Variants in RNF212 observed in about 807,000 individuals in gnomAD.
RNF212 encodes ring finger protein 212.
In RNF212, 33 loss-of-function variants were observed where a neutral mutation model predicts 34.7. The ratio of observed to expected loss-of-function variants is 0.95; its 90% CI spans 0.72 to 1.27. The LOEUF (loss-of-function observed/expected upper bound fraction) is 1.27. RNF212 is among the 50% of genes most tolerant of loss of function. The pLI, the probability that RNF212 is intolerant of heterozygous loss-of-function variation, is 0.00. For missense variants in RNF212, 377 were observed against 362.2 expected (o/e 1.04, Z -0.33); for synonymous variants, 140 against 136.1 (o/e 1.03, Z -0.20).
In RNF212 at chr4:1,072,900, G is replaced by C; in HGVS notation, c.868C>G (p.Gln290Glu). 1 of 1,611,500 alleles carries C rather than the reference G, an allele frequency of 6.2e-7. No individual in the cohort carries two copies. The highest frequency in any genetic ancestry group is 1.3e-5 in the African/African-American group (1 of 74,968). ...PAVSVVFPLC[Q>E]FERKKSF ...CAAAATGACTTTTTCCTTTCAAATT[G>C]GCAAAGAGGAAACACAACAGACACA... The change falls in exon 10 of 10, where the codon CAA (glutamine) becomes GAA (glutamate). Residue 290 changes from glutamine to glutamate, a missense_variant. By Grantham distance (29) the Gln-to-Glu change is conservative. Transcript: ENST00000433731.
At chr4:1,093,897 G>A in intron 3 of RNF212, 2 of 1,536,262 alleles carry the variant, frequency 1.3e-6, no homozygotes, top group Non-Finnish European at 1.7e-6. Context: ...CTGACCCAGT[G>A]TTCTTGGGGA....
At chr4:1,060,831 G>T (rs4690215) in intron 3 of RNF212, among the ~76,000 whole-genome samples, 1 of 152,130 alleles carries the variant, frequency 6.6e-6, no homozygotes, top group Non-Finnish European at 1.5e-5. Context: ...GAGTCTGCAG[G>T]GCAGACAACG....
At chr4:1,103,124 T>C (rs1449572148) in intron 2 of RNF212, among the ~76,000 whole-genome samples, 8 of 152,216 alleles carry the variant, frequency 5.3e-5, no homozygotes, top group Non-Finnish European at 1.0e-4. Flanking sequence ...AGCATATTGA[T>C]GACAAGAAAT....
intron 3 of RNF212, among the ~76,000 whole-genome samples, chr4:1,066,402 T>C (rs910470498): frequency 6.6e-6 from 1 of 152,158 alleles, no homozygotes; most frequent in Non-Finnish European, 1.5e-5. Flanking sequence ...AATCTCGACT[T>C]ACTGCAACCT....
chr4:1,065,741 C>T (rs1289684674), intron 3 of RNF212, among the ~76,000 whole-genome samples: 2 of 144,896 alleles, frequency 1.4e-5, no homozygotes, highest in Non-Finnish European at 3.2e-5. Flanking sequence ...TGTGTGCCAC[C>T]ACACCTGGCT....
intron 1 of RNF212, among the ~76,000 whole-genome samples, chr4:1,112,781 C>A (rs1304084485): frequency 8.5e-6 from 1 of 117,116 alleles, no homozygotes; most frequent in African/African-American, 3.3e-5. Context: ...CCTCCCCTGG[C>A]GTCTCCCCTC....
intron 8 of RNF212, among the ~76,000 whole-genome samples, chr4:1,073,951 A>G (rs950851668): frequency 1.3e-5 from 2 of 151,452 alleles, no homozygotes; most frequent in African/African-American, 2.4e-5. Flanking sequence ...ATTTTAGGTG[A>G]AAAAAAACAA....
At chr4:1,062,897 T>C (rs1465403954) in intron 3 of RNF212, among the ~76,000 whole-genome samples, 1 of 152,216 alleles carries the variant, frequency 6.6e-6, no homozygotes, top group African/African-American at 2.4e-5. Flanking sequence ...ATCAGTTGTA[T>C]TTCTACATAC....
chr4:1,059,214 CAG>C (rs1166513399), intron 3 of RNF212, among the ~76,000 whole-genome samples: 1 of 152,190 alleles, frequency 6.6e-6, no homozygotes, highest in East Asian at 1.9e-4. Flanking sequence ...GTGCCCCCGA[CAG>C]GGGTCTTGTC....
At chr4:1,076,736 T>C (rs772345473) in intron 8 of RNF212, among the ~76,000 whole-genome samples, 32 of 152,186 alleles carry the variant, frequency 2.1e-4, no homozygotes, top group Non-Finnish European at 3.1e-4. Flanking sequence ...TTTAGACACT[T>C]TCCTTGAAAT....
chr4:1,106,714 G>A (rs776103045), intron 2 of RNF212, among the ~76,000 whole-genome samples: 33 of 152,346 alleles, frequency 2.2e-4, no homozygotes, highest in Non-Finnish European at 3.8e-4. Context: ...CAGCCCGACC[G>A]TGTACAGGGC....
At chr4:1,113,623 C>T (rs929134255), upstream of RNF212, 4 of 518,082 alleles carry the variant, frequency 7.7e-6, no homozygotes, top group Non-Finnish European at 1.3e-5. Flanking sequence ...GCCCTCCCGC[C>T]AACCTCGCGG....
chr4:1,076,819 G>T (rs1211807863), intron 8 of RNF212, among the ~76,000 whole-genome samples: 9 of 152,198 alleles, frequency 5.9e-5, no homozygotes, highest in Admixed American at 2.6e-4. Context: ...AGTTTTATTA[G>T]AACACAGTCA....
intron 2 of RNF212, among the ~76,000 whole-genome samples, chr4:1,097,138 C>T (rs1244742050): frequency 6.6e-6 from 1 of 152,118 alleles, no homozygotes; most frequent in Non-Finnish European, 1.5e-5. Context: ...CAGAAGGTCA[C>T]CATGAATGAA....
At chr4:1,099,797 A>G (rs996501619) in intron 2 of RNF212, 8 of 456,144 alleles carry the variant, frequency 1.8e-5, no homozygotes, top group Non-Finnish European at 3.1e-5. Context: ...CCTGGTGCAG[A>G]GCAATCGAGT....
At chr4:1,090,175 T>C (rs1203584928) in intron 4 of RNF212, among the ~76,000 whole-genome samples, 2 of 77,298 alleles carry the variant, frequency 2.6e-5, no homozygotes, top group South Asian at 8.1e-4. Flanking sequence ...AGGGGAGAGA[T>C]GGGGGTGACA....
At chr4:1,083,949 T>A (rs1309355295) in intron 5 of RNF212, among the ~76,000 whole-genome samples, 1 of 150,106 alleles carries the variant, frequency 6.7e-6, no homozygotes, top group Non-Finnish European at 1.5e-5. Flanking sequence ...TTGTGCATTT[T>A]TTTTTTTTTT....
At chr4:1,085,517 G>A (rs1421820377) in intron 5 of RNF212, among the ~76,000 whole-genome samples, 2 of 152,192 alleles carry the variant, frequency 1.3e-5, no homozygotes, top group African/African-American at 4.8e-5. Flanking sequence ...TACGACTCCT[G>A]GCAGAAAGCA....
At chr4:1,104,909 C>T (rs555909881) in intron 2 of RNF212, among the ~76,000 whole-genome samples, 15 of 152,266 alleles carry the variant, frequency 9.9e-5, no homozygotes, top group Middle Eastern at 3.4e-3. Context: ...CACAGGTGCA[C>T]GTCATGAGGC....
Sources: allele counts gnomAD v4.1 joint callset (sites outside exome capture counted in the v4.1 genomes callset), GRCh38; gene constraint gnomAD v4.1.1; transcripts MANE v1.5; gene names NCBI Gene and HGNC (gene_info 2026-07-23, HGNC 2026-07-21).